The following SLC22A25 variants were observed in gnomAD, a reference collection of about 807,000 sequenced individuals.
The protein encoded by SLC22A25 is solute carrier family 22 member 25.
SLC22A25 carries 44 observed loss-of-function variants against 45.9 expected under a neutral mutation model. The ratio of observed to expected loss-of-function variants is 0.96; its 90% CI spans 0.75 to 1.23. SLC22A25 has a LOEUF of 1.23. SLC22A25 is among the 50% of genes most tolerant of loss of function. The probability of loss-of-function intolerance (pLI) is 0.00; values close to 1 mark genes in which losing one functional copy is unlikely to be tolerated. For missense variants in SLC22A25, 800 were observed against 666.4 expected (o/e 1.20, Z -2.21); for synonymous variants, 283 against 238.6 (o/e 1.19, Z -1.72).
At chr11:63,184,749 A>G (rs1170122516) in intron 7 of SLC22A25, among the ~76,000 whole-genome samples, 1 of 152,186 alleles carries the variant, frequency 6.6e-6, no homozygotes, top group Non-Finnish European at 1.5e-5. Context: ...AATTAAGGAT[A>G]TCTACTCAAA....
rs961707474 is a variant in SLC22A25 at position 63,191,675 on chromosome 11, G to A, written c.831-7858C>T. On this transcript the variant is annotated intron_variant, in intron 7 of 11. Coordinates refer to ENST00000306494, the MANE Select transcript of SLC22A25 (RefSeq NM_199352.6). ...TGTAGACTGGAGCTGTTCCTATTTG[G>A]CCATCTTGGCTCCACCCCCCCAATC... is the stretch of plus-strand genomic sequence containing the variant. Among the ~76,000 whole-genome samples the A allele has an allele frequency of 2.0e-5, 3 of 152,032 alleles. No individual in the cohort carries two copies. The East Asian group carries it at 5.8e-4, about 29-fold the overall frequency.
chr11:63,185,522 T>TTTTCTA (rs1565079101), intron 7 of SLC22A25, among the ~76,000 whole-genome samples: 2 of 124,308 alleles, frequency 1.6e-5, no homozygotes, highest in Non-Finnish European at 1.7e-5. Flanking sequence ...CACATTTTCT[T>TTTTCTA]TTTTTATTTT....
intron 9 of SLC22A25, among the ~76,000 whole-genome samples, chr11:63,173,436 G>T (rs931932794): frequency 1.2e-4 from 18 of 152,036 alleles, no homozygotes; most frequent in African/African-American, 4.1e-4. Flanking sequence ...ACATACATTT[G>T]TATCTCATTG....
chr11:63,229,827 T>A lies in SLC22A25; in HGVS notation c.-175A>T, dbSNP rs2090036395. ...CAGCAGGGTCACGGAAGCAATTTCC[T>A]CAAGTAGTTTTGGGGTCAGGTAGGT... On this transcript the variant is annotated 5_prime_UTR_variant, in exon 4 of 12. Coordinates refer to ENST00000306494, the MANE Select transcript of SLC22A25 (RefSeq NM_199352.6). 1.3e-5 allele frequency among the ~76,000 whole-genome samples: 2 copies of A among 152,196 alleles called. No individual in the cohort carries two copies. Among genetic ancestry groups the A allele is most frequent in the Non-Finnish European group, 1.5e-5 (1 of 68,036 alleles).
intron 3 of SLC22A25, among the ~76,000 whole-genome samples, chr11:63,233,252 C>T (rs1428537842): frequency 2.0e-5 from 3 of 152,058 alleles, no homozygotes; most frequent in African/African-American, 7.2e-5. Context: ...CGGCTGTGAA[C>T]CCATCTGGTC....
chr11:63,240,371 A>G (rs919567888), intron 1 of SLC22A25, among the ~76,000 whole-genome samples: 2 of 152,112 alleles, frequency 1.3e-5, no homozygotes, highest in Admixed American at 1.3e-4. Flanking sequence ...TTGTTGTGTT[A>G]ATTCCAACAG....
At chr11:63,202,032 A>G (rs1360500280) in intron 7 of SLC22A25, among the ~76,000 whole-genome samples, 1 of 152,114 alleles carries the variant, frequency 6.6e-6, no homozygotes, top group Non-Finnish European at 1.5e-5. Flanking sequence ...TTGCCTGGGA[A>G]GTGCAAGGGG....
intron 7 of SLC22A25, among the ~76,000 whole-genome samples, chr11:63,186,696 T>C (rs1217131333): frequency 6.6e-6 from 1 of 152,226 alleles, no homozygotes; most frequent in Non-Finnish European, 1.5e-5. Context: ...TTTAAGTCTT[T>C]AATCCATCTT....
rs191273986 is a variant in SLC22A25 at position 63,222,752 on chromosome 11, A to G, written c.507-5017T>C. Among the ~76,000 whole-genome samples, 157 of 152,108 alleles carry G rather than the reference A, an allele frequency of 1.0e-3. 1 individual carries two copies. The highest frequency in any genetic ancestry group is 3.6e-3 in the African/African-American group (151 of 41,540). On this transcript the variant is annotated intron_variant, in intron 5 of 11. Transcript: ENST00000306494. ...TTCCCCATTTCATGTGATACTAGCT[A>G]TGAGTCTGTCATATATGGCTTTTAT...
chr11:63,164,370 C>T (rs1341161783), intron 11 of SLC22A25, among the ~76,000 whole-genome samples, 156 bp downstream of exon 11: 1 of 152,158 alleles, frequency 6.6e-6, no homozygotes, highest in African/African-American at 2.4e-5. Context: ...ACAAAGTCAG[C>T]TTGATATAAA....
chr11:63,182,905 T>C (rs1288640476), intron 8 of SLC22A25, among the ~76,000 whole-genome samples: 1 of 152,140 alleles, frequency 6.6e-6, no homozygotes. Flanking sequence ...ACATTCTTTC[T>C]ATACTTTTAT....
intron 5 of SLC22A25, chr11:63,219,863 A>C: frequency 8.1e-7 from 1 of 1,227,736 alleles, no homozygotes; most frequent in Non-Finnish European, 1.1e-6. Context: ...TTGGAAATCA[A>C]CCCTCTGACT....
At chr11:63,178,966 AT>A (rs56266035) in intron 9 of SLC22A25, among the ~76,000 whole-genome samples, 54,425 of 147,786 alleles carry the variant, frequency 0.37, 10,016 homozygotes, top group East Asian at 0.56. Flanking sequence ...TAAGTCTGTA[AT>A]TTTTTTTTTT....
At chr11:63,218,135 C>A in intron 5 of SLC22A25, 1 of 457,004 alleles carries the variant, frequency 2.2e-6, no homozygotes, top group South Asian at 1.6e-5. Context: ...CCTCAATGCC[C>A]ACCAATGGTA....
rs371633519 is a variant in SLC22A25 at position 63,212,524 on chromosome 11, G to A, written c.830+4790C>T. On this transcript the variant is annotated intron_variant, in intron 7 of 11. Coordinates refer to ENST00000306494, the MANE Select transcript of SLC22A25 (RefSeq NM_199352.6). Reference sequence around the variant, plus strand: ...GAGTTCATGTCCTTTGTAGGGACATGGATGAAACTGGAAACCATCATTCTC... The same window carrying A: ...GAGTTCATGTCCTTTGTAGGGACATAGATGAAACTGGAAACCATCATTCTC... Among the ~76,000 whole-genome samples, 100 of 152,158 alleles carry A rather than the reference G, an allele frequency of 6.6e-4. 1 individual carries two copies. The South Asian group carries it at 0.02, about 30-fold the overall frequency.
chr11:63,232,049 T>G (rs1313196425), intron 3 of SLC22A25, among the ~76,000 whole-genome samples: 1 of 152,214 alleles, frequency 6.6e-6, no homozygotes, highest in Non-Finnish European at 1.5e-5. Flanking sequence ...TGTAGTATAG[T>G]TTGAAGTCAG....
intron 7 of SLC22A25, among the ~76,000 whole-genome samples, chr11:63,210,209 G>A (rs556459897): frequency 9.9e-5 from 15 of 152,144 alleles, no homozygotes; most frequent in Admixed American, 2.0e-4. Flanking sequence ...TTCAGAAGCC[G>A]GAAGGCTTTG....
chr11:63,177,114 A>T (rs990039020), intron 9 of SLC22A25, among the ~76,000 whole-genome samples: 1 of 152,094 alleles, frequency 6.6e-6, no homozygotes, highest in Non-Finnish European at 1.5e-5. Flanking sequence ...CCAAAGTCTT[A>T]TGGAGGTTCT....
intron 9 of SLC22A25, among the ~76,000 whole-genome samples, chr11:63,170,210 C>T (rs1177758130): frequency 1.4e-4 from 21 of 151,998 alleles, no homozygotes; most frequent in Admixed American, 7.2e-4. Context: ...CATCAGAAAG[C>T]GAGAAAGATC....
Sources: allele counts gnomAD v4.1 joint callset (sites outside exome capture counted in the v4.1 genomes callset), GRCh38; gene constraint gnomAD v4.1.1; transcripts MANE v1.5; gene names NCBI Gene and HGNC (gene_info 2026-07-23, HGNC 2026-07-21).